The following GREB1L variants were observed in gnomAD, a reference collection of about 807,000 sequenced individuals.
GREB1L encodes the protein GREB1-like protein.
In GREB1L, 17 loss-of-function variants were observed where a neutral mutation model predicts 200.8. That is an observed-to-expected ratio of 0.08 (90% CI 0.06 to 0.13). GREB1L has a LOEUF of 0.13. Among genes scored for constraint, GREB1L ranks in the 10% least tolerant of loss-of-function variants. The pLI is 1.00. For missense variants in GREB1L, 1,657 were observed against 2,367.7 expected (o/e 0.70, Z 6.23); for synonymous variants, 789 against 893.0 (o/e 0.88, Z 2.08).
rs1467302199 is a variant in GREB1L, at chr18:21,397,450, G to A, written c.532+1889G>A. ...TGAGGCAGGAGAATGGCGTGAACCC[G>A]GGAGGCAGAGCTTGCAGTTAGCGGA... On this transcript the variant is annotated intron_variant, in intron 5 of 32. Transcript: ENST00000424526. Among the ~76,000 whole-genome samples the A allele has an allele frequency of 4.6e-5, 7 of 151,678 alleles. No homozygotes were observed. In the East Asian group the frequency reaches 5.8e-4, roughly 13 times the overall value.
intron 23 of GREB1L, among the ~76,000 whole-genome samples, chr18:21,504,653 C>T (rs747197777): frequency 6.6e-6 from 1 of 152,156 alleles, no homozygotes; most frequent in East Asian, 1.9e-4. Context: ...TTAGGCAATA[C>T]AGTAAGACCC....
chr18:21,375,469 CT>C (rs2040035431), intron 2 of GREB1L, among the ~76,000 whole-genome samples: 1 of 152,138 alleles, frequency 6.6e-6, no homozygotes, highest in South Asian at 2.1e-4. Context: ...TTAAAATTTC[CT>C]TTTCAGCCTG....
intron 2 of GREB1L, among the ~76,000 whole-genome samples, chr18:21,377,165 C>T (rs1200753289): frequency 3.3e-5 from 5 of 152,006 alleles, no homozygotes; most frequent in African/African-American, 1.2e-4. Flanking sequence ...ATCCTTTTCC[C>T]TTTTTCCACA....
chr18:21,284,768 T>C (rs1195892815), intron 1 of GREB1L, among the ~76,000 whole-genome samples: 1 of 152,222 alleles, frequency 6.6e-6, no homozygotes, highest in African/African-American at 2.4e-5. Context: ...TTTTTCAAAG[T>C]GGCTGTACCA....
intron 11 of GREB1L, among the ~76,000 whole-genome samples, chr18:21,447,429 T>C (rs2034286384): frequency 6.6e-6 from 1 of 152,264 alleles, no homozygotes; most frequent in Non-Finnish European, 1.5e-5. Flanking sequence ...TCTTGATTCC[T>C]AATTGTACAT....
intron 1 of GREB1L, among the ~76,000 whole-genome samples, chr18:21,290,456 A>G (rs2038428804): frequency 6.6e-6 from 1 of 152,138 alleles, no homozygotes; most frequent in Non-Finnish European, 1.5e-5. Flanking sequence ...ATCCTTAACT[A>G]CTGGGCAGAT....
intron 14 of GREB1L, among the ~76,000 whole-genome samples, chr18:21,453,149 TC>T (rs2034604684): frequency 6.6e-6 from 1 of 152,250 alleles, no homozygotes; most frequent in Non-Finnish European, 1.5e-5. Context: ...CATTCTTGGT[TC>T]CCTGTTTAAA....
intron 1 of GREB1L, among the ~76,000 whole-genome samples, chr18:21,253,104 C>T (rs954566561): frequency 2.6e-5 from 4 of 152,114 alleles, no homozygotes; most frequent in Non-Finnish European, 1.5e-5. Flanking sequence ...GATCAATCTA[C>T]CCTGAGAGGA....
chr18:21,454,751 T>G, intron 15 of GREB1L, 188 bp downstream of exon 15: 1 of 607,764 alleles, frequency 1.6e-6, no homozygotes. Context: ...CCTTTTTCCC[T>G]CAAGGTCAAG....
chr18:21,516,628 T>C lies in GREB1L; in HGVS notation c.5145T>C (p.Asp1715=). 1 of 1,551,610 alleles carries C rather than the reference T, an allele frequency of 6.4e-7. No homozygotes were observed. Among genetic ancestry groups the C allele is most frequent in the Non-Finnish European group, 8.7e-7 (1 of 1,146,914 alleles). Residue 1715 remains aspartate (D), a synonymous_variant, in exon 30 of 33, where the codon GAT becomes GAC. Transcript: ENST00000424526. The part of the protein sequence containing the change: ...QYDFNRYFCE[D]ADFNLRTNSS... The stretch of plus-strand genomic sequence containing the variant: ...TACAATTTAGGTATTTCTGTGAAGA[T>C]GCTGACTTTAATCTGAGAACAAACA...
intron 7 of GREB1L, among the ~76,000 whole-genome samples, chr18:21,405,223 T>C (rs1465150666): frequency 6.6e-6 from 1 of 152,198 alleles, no homozygotes; most frequent in South Asian, 2.1e-4. Flanking sequence ...TGTCACTAGG[T>C]ATTCAAGAAA....
intron 5 of GREB1L, among the ~76,000 whole-genome samples, chr18:21,399,993 G>C (rs2041250440): frequency 6.6e-6 from 1 of 152,076 alleles, no homozygotes; most frequent in African/African-American, 2.4e-5. Flanking sequence ...GGTCTGAAAA[G>C]AGTGTATCAC....
At chr18:21,296,150 C>T (rs2038524148) in intron 1 of GREB1L, among the ~76,000 whole-genome samples, 1 of 152,110 alleles carries the variant, frequency 6.6e-6, no homozygotes, top group Non-Finnish European at 1.5e-5. Flanking sequence ...GCACTATTCA[C>T]AATAGCAAAG....
At chr18:21,513,311 G>A (rs927745993) in intron 27 of GREB1L, among the ~76,000 whole-genome samples, 8 of 152,142 alleles carry the variant, frequency 5.3e-5, no homozygotes, top group Non-Finnish European at 8.8e-5. Flanking sequence ...AGAAGCTGCC[G>A]TCAGTTTCCT....
chr18:21,446,356 G>A (rs886221674), intron 11 of GREB1L, among the ~76,000 whole-genome samples: 5 of 151,966 alleles, frequency 3.3e-5, no homozygotes, highest in Non-Finnish European at 5.9e-5. Context: ...TTTTAAAATC[G>A]GAGTCTAATT....
chr18:21,523,030 G>A lies in GREB1L; in HGVS notation c.*209G>A. The A allele has an allele frequency of 2.0e-6, 1 of 493,672 alleles. No homozygotes were observed. The highest frequency in any genetic ancestry group is 2.0e-5 in the African/African-American group (1 of 51,262). 30.6% of individuals were successfully genotyped at this position (493,672 alleles called of 1,614,324 possible). Reference sequence around the variant, plus strand: ...TCCAATTACAGGACCCTTAAATTCAGGTAAACTCTATCCTAGGCAGTTATG... The same window carrying A: ...TCCAATTACAGGACCCTTAAATTCAAGTAAACTCTATCCTAGGCAGTTATG... On this transcript the variant is annotated 3_prime_UTR_variant, in exon 33 of 33. Coordinates refer to ENST00000424526, the MANE Select transcript of GREB1L (RefSeq NM_001142966.3).
At chr18:21,243,116 C>T (rs1374971711) in intron 1 of GREB1L, among the ~76,000 whole-genome samples, 3 of 152,016 alleles carry the variant, frequency 2.0e-5, no homozygotes, top group Admixed American at 6.5e-5. Flanking sequence ...TGACAGCTGA[C>T]CCTGACACAA....
intron 1 of GREB1L, among the ~76,000 whole-genome samples, chr18:21,310,897 T>G (rs2038779594): frequency 6.6e-6 from 1 of 152,246 alleles, no homozygotes; most frequent in African/African-American, 2.4e-5. Flanking sequence ...AAGTGCTGTC[T>G]TGCACAACGC....
chr18:21,264,965 C>T (rs557780178), intron 1 of GREB1L, among the ~76,000 whole-genome samples: 150 of 152,262 alleles, frequency 9.9e-4, no homozygotes, highest in Non-Finnish European at 1.7e-3. Context: ...GATGTCCTGA[C>T]AGTGTATTCT....
Sources: allele counts gnomAD v4.1 joint callset (sites outside exome capture counted in the v4.1 genomes callset), GRCh38; gene constraint gnomAD v4.1.1; transcripts MANE v1.5; gene names NCBI Gene and HGNC (gene_info 2026-07-23, HGNC 2026-07-21).